Variants in ANO3 observed in about 807,000 individuals in gnomAD.
ANO3 encodes the protein anoctamin 3.
In ANO3, 99 loss-of-function variants were observed where a neutral mutation model predicts 144.8. That is an observed-to-expected ratio of 0.68 (90% confidence interval 0.58 to 0.81). The LOEUF (loss-of-function observed/expected upper bound fraction) is 0.81. Ranked by LOEUF, ANO3 falls within the 30% of genes least tolerant of loss-of-function variation. The probability of loss-of-function intolerance (pLI) is 0.00; values close to 1 mark genes in which losing one functional copy is unlikely to be tolerated. For missense variants in ANO3, 905 were observed against 1,202.2 expected, an observed-to-expected ratio of 0.75 and a Z score of 3.66; for synonymous variants, 414 against 392.6, an observed-to-expected ratio of 1.05 and a Z score of -0.64.
Position 26,230,797 on chromosome 11 carries a change from C to CA in ANO3, c.154+41508dup, listed in dbSNP as rs1168180646. ...GGGTGACAGAGCATGACTCCATCTC[C>CA]AAAAAAAAAAAAAAAAAAAAAAAAA... is the stretch of plus-strand genomic sequence containing the variant. On this transcript the variant is annotated intron_variant, in intron 1 of 27. Transcript: ENST00000672621. Among the ~76,000 whole-genome samples, 30 of 11,340 alleles carry CA rather than the reference C, an allele frequency of 2.6e-3. 5 individuals carry two copies. Among genetic ancestry groups the CA allele is most frequent in the African/African-American group, 4.2e-3 (24 of 5,664 alleles). The allele number at this position is 11,340 out of a possible 152,430, so 7.4% of individuals were successfully genotyped here.
intron 20 of ANO3, among the ~76,000 whole-genome samples, chr11:26,635,486 G>A (rs2133044503): frequency 6.6e-6 from 1 of 152,136 alleles, no homozygotes; most frequent in South Asian, 2.1e-4. Flanking sequence ...TTTCTTTATT[G>A]ATTTACAATA....
At chr11:26,216,852 T>C (rs1051623325) in intron 1 of ANO3, among the ~76,000 whole-genome samples, 24 of 152,042 alleles carry the variant, frequency 1.6e-4, no homozygotes, top group Non-Finnish European at 3.1e-4. Flanking sequence ...TGATTTGCCA[T>C]CTGATCTTCT....
intron 1 of ANO3, among the ~76,000 whole-genome samples, chr11:26,272,360 T>C (rs1853458555): frequency 6.6e-6 from 1 of 152,156 alleles, no homozygotes; most frequent in African/African-American, 2.4e-5. Flanking sequence ...ACCATTGTTT[T>C]AATAAAATGA....
At chr11:26,416,541 A>G (rs1039301212) in intron 1 of ANO3, among the ~76,000 whole-genome samples, 7 of 151,604 alleles carry the variant, frequency 4.6e-5, no homozygotes, top group Non-Finnish European at 8.8e-5. Context: ...ATTCCCCTGC[A>G]TCAACCTCCC....
intron 1 of ANO3, among the ~76,000 whole-genome samples, chr11:26,396,134 GA>G (rs1464887720): frequency 1.3e-5 from 2 of 152,162 alleles, no homozygotes; most frequent in African/African-American, 4.8e-5. Context: ...CGAAGGATAT[GA>G]ACAGACACTT....
At chr11:26,247,413 T>C (rs927459638) in intron 1 of ANO3, among the ~76,000 whole-genome samples, 1 of 152,218 alleles carries the variant, frequency 6.6e-6, no homozygotes, top group Non-Finnish European at 1.5e-5. Flanking sequence ...ATTTCCAGTT[T>C]TTCTTTTTTT....
chr11:26,639,357 T>G, intron 21 of ANO3, 116 bp downstream of exon 21: 1 of 711,274 alleles, frequency 1.4e-6, no homozygotes, highest in Non-Finnish European at 2.5e-6. Context: ...ATGGCTCAAT[T>G]CCTGTTCTGC....
chr11:26,646,130 A>G (rs538114136), intron 23 of ANO3, among the ~76,000 whole-genome samples: 32 of 152,278 alleles, frequency 2.1e-4, no homozygotes, highest in African/African-American at 7.5e-4. Flanking sequence ...TTTCTTGCTC[A>G]TAGAAATATA....
intron 1 of ANO3, among the ~76,000 whole-genome samples, chr11:26,407,077 T>TATATAC (rs1491336707): frequency 2.0e-5 from 2 of 101,764 alleles, no homozygotes; most frequent in African/African-American, 8.9e-5. Flanking sequence ...TGTGTGTGTG[T>TATATAC]ATATATATAT....
At chr11:26,202,734 A>G (rs979457106) in intron 1 of ANO3, among the ~76,000 whole-genome samples, 2 of 152,064 alleles carry the variant, frequency 1.3e-5, no homozygotes, top group Non-Finnish European at 2.9e-5. Context: ...GAGGAAAAAA[A>G]AAATCAGTGT....
intron 17 of ANO3, among the ~76,000 whole-genome samples, chr11:26,617,084 A>G (rs916578399): frequency 6.6e-6 from 1 of 152,090 alleles, no homozygotes; most frequent in Non-Finnish European, 1.5e-5. Context: ...AATATTCTTT[A>G]TATTATCACT....
chr11:26,204,705 G>T (rs891789573), intron 1 of ANO3, among the ~76,000 whole-genome samples: 1 of 152,018 alleles, frequency 6.6e-6, no homozygotes, highest in Non-Finnish European at 1.5e-5. Flanking sequence ...GGTGTATGGC[G>T]TATACAGCAG....
rs951674802 is a variant in ANO3, at chr11:26,508,270, C to G, written c.591+8C>G. 3 of 1,576,842 alleles carry G rather than the reference C, an allele frequency of 1.9e-6. No individual in the cohort carries two copies. Among genetic ancestry groups the G allele is most frequent in the Non-Finnish European group, 1.7e-6 (2 of 1,169,220 alleles). ...TTGATGTTGGAGAAGGAGGTAGGTG[C>G]TTTACTATTATTAGTTATGTGATAA... is the stretch of plus-strand genomic sequence containing the variant. On this transcript the variant is annotated splice_region_variant and intron_variant, in intron 5 of 26. Coordinates refer to ENST00000256737, the MANE Select transcript of ANO3 (RefSeq NM_031418.4).
intron 1 of ANO3, among the ~76,000 whole-genome samples, chr11:26,245,287 C>A (rs1213988314): frequency 6.6e-6 from 1 of 152,144 alleles, no homozygotes; most frequent in East Asian, 1.9e-4. Context: ...CAAAGGCATT[C>A]TTCCCCTTTT....
intron 13 of ANO3, among the ~76,000 whole-genome samples, chr11:26,556,750 AGGAAT>A (rs1022727106): frequency 1.8e-4 from 28 of 152,168 alleles, no homozygotes; most frequent in African/African-American, 6.3e-4. Context: ...CCAAGAGGTA[AGGAAT>A]GAGGAAGTGA....
upstream of ANO3, among the ~76,000 whole-genome samples, chr11:26,308,905 A>C (rs1198121833): frequency 2.0e-5 from 3 of 152,206 alleles, no homozygotes; most frequent in African/African-American, 7.2e-5. Context: ...TTTTTACAGC[A>C]TTTCAAGGTA....
In ANO3 at chr11:26,470,867, T is replaced by G. The variant is rs147345518; in HGVS notation, c.432+7719T>G. The stretch of plus-strand genomic sequence containing the variant: ...CAATCTCATACAGCTAATAAATGAC[T>G]GAGCCAGGATTTAAAATAAGATAGT... On this transcript the variant is annotated intron_variant, in intron 4 of 26. Coordinates refer to ENST00000256737, the MANE Select transcript of ANO3 (RefSeq NM_031418.4). 5.8e-3 allele frequency among the ~76,000 whole-genome samples: 875 copies of G among 152,106 alleles called. 2 individuals carry two copies. Among genetic ancestry groups the G allele is most frequent in the Non-Finnish European group, 9.4e-3 (638 of 67,930 alleles).
chr11:26,601,605 T>C (rs969161392), intron 17 of ANO3, among the ~76,000 whole-genome samples: 1 of 152,250 alleles, frequency 6.6e-6, no homozygotes, highest in Non-Finnish European at 1.5e-5. Context: ...GTATAGGTTG[T>C]GCACTGCACA....
chr11:26,311,269 G>C (rs552189883), intron 1 of ANO3, among the ~76,000 whole-genome samples: 1 of 152,222 alleles, frequency 6.6e-6, no homozygotes, highest in African/African-American at 2.4e-5. Flanking sequence ...ACTCTATGAG[G>C]CCAGTGCTAC....
Sources: allele counts gnomAD v4.1 joint callset (sites outside exome capture counted in the v4.1 genomes callset), GRCh38; gene constraint gnomAD v4.1.1; transcripts MANE v1.5; gene names NCBI Gene and HGNC (gene_info 2026-07-23, HGNC 2026-07-21).